Variants in CUX1 observed in about 807,000 individuals in gnomAD.
CUX1 encodes protein CASP.
In CUX1, 31 loss-of-function variants were observed where a neutral mutation model predicts 158.8. The ratio of observed to expected loss-of-function variants is 0.20; its 90% CI spans 0.15 to 0.26. The LOEUF is 0.26. CUX1 is among the 10% of genes least tolerant of loss of function. The pLI is 1.00. For synonymous variants in CUX1, 879 were observed against 862.1 expected (o/e 1.02, Z -0.34); for missense variants, 1,589 against 2,014.6 (o/e 0.79, Z 4.04).
At chr7:101,864,949 A>G (rs752357729) in intron 1 of CUX1, among the ~76,000 whole-genome samples, 45 of 152,346 alleles carry the variant, frequency 3.0e-4, no homozygotes, top group Middle Eastern at 6.8e-3. Context: ...AATTATTTCT[A>G]AAAAAGTAAA....
At position 102,279,766 on chromosome 7, in the gene CUX1, C is replaced by T. The variant is rs184195504; in HGVS notation, c.1681-271C>T. On this transcript the variant is annotated intron_variant, in intron 18 of 22. Transcript: ENST00000292538. ...CAGCAAACCCACCTTCCTGCAGCTG[C>T]GCCCGGCCCTGCCTGGGCCTCAGTT... Among the ~76,000 whole-genome samples, 35 of 152,292 alleles carry T rather than the reference C, an allele frequency of 2.3e-4. No homozygotes were observed. The East Asian group carries it at 6.6e-3, about 29-fold the overall frequency.
intron 8 of CUX1, among the ~76,000 whole-genome samples, chr7:102,156,295 A>G (rs782534115): frequency 1.6e-4 from 24 of 152,122 alleles, no homozygotes; most frequent in Non-Finnish European, 2.9e-4. Flanking sequence ...TGGCTCACAG[A>G]TCTGCAGGCT....
chr7:102,210,734 A>G (rs1253445829), intron 20 of CUX1, among the ~76,000 whole-genome samples: 1 of 152,114 alleles, frequency 6.6e-6, no homozygotes. Flanking sequence ...CAGCCAACAG[A>G]GTATCAGTTG....
intron 2 of CUX1, among the ~76,000 whole-genome samples, chr7:101,984,537 C>T (rs1814027953): frequency 6.6e-6 from 1 of 151,122 alleles, no homozygotes; most frequent in South Asian, 2.1e-4. Flanking sequence ...TGAGAACCTG[C>T]CCTGCACTCT....
chr7:102,168,932 TA>T (rs782766355), intron 9 of CUX1, among the ~76,000 whole-genome samples: 12,879 of 101,466 alleles, frequency 0.13, 1,021 homozygotes, highest in African/African-American at 0.19. Flanking sequence ...TCTTTTCTTT[TA>T]TTTTCTTTTT....
chr7:102,125,579 G>C (rs2131246586), intron 8 of CUX1: 1 of 151,898 alleles, frequency 6.6e-6, no homozygotes, highest in African/African-American at 2.4e-5. Context: ...TCCACCCAGG[G>C]ACCTTGTGAA....
rs1173978551 is a variant in CUX1, at chr7:102,282,838, AC to A, written c.1967+67del. ...AGCGAGCTCCCAGCACCCCCGCAAC[AC>A]CCCCGAGTTCCTGCCTCATGTCCCC... On this transcript the variant is annotated intron_variant, in intron 22 of 22. Transcript: ENST00000292538. 9.3e-6 allele frequency: 9 copies of A among 969,608 alleles called. No individual in the cohort carries two copies. The African/African-American group carries it at 2.0e-4, about 22-fold the overall frequency. 60.1% of individuals were successfully genotyped at this position (969,608 alleles called of 1,614,324 possible).
intron 11 of CUX1, among the ~76,000 whole-genome samples, chr7:102,185,205 G>C (rs2131849016): frequency 1.3e-5 from 2 of 152,328 alleles, no homozygotes; most frequent in South Asian, 4.1e-4. Context: ...TAGCAGGGAT[G>C]TAGTAATTGT....
chr7:101,987,341 G>A (rs1409697367), intron 2 of CUX1, among the ~76,000 whole-genome samples: 3 of 152,150 alleles, frequency 2.0e-5, no homozygotes, highest in South Asian at 2.1e-4. Context: ...CATATGGACC[G>A]CTGCTCACTC....
intron 19 of CUX1, 152 bp from the exon 20 acceptor site, chr7:102,204,962 G>C: frequency 3.2e-6 from 2 of 619,686 alleles, no homozygotes; most frequent in Non-Finnish European, 5.7e-6. Flanking sequence ...GCCTGGCCTT[G>C]CAACAGCAGC....
intron 2 of CUX1, among the ~76,000 whole-genome samples, chr7:101,991,839 A>T (rs1287019823): frequency 6.6e-6 from 1 of 151,912 alleles, no homozygotes. Flanking sequence ...AGGCTGGAGG[A>T]TCACTTGAGT....
downstream of CUX1, among the ~76,000 whole-genome samples, chr7:102,259,733 A>G (rs1253790792): frequency 7.9e-6 from 1 of 126,646 alleles, no homozygotes; most frequent in Non-Finnish European, 1.6e-5. Context: ...AATTAAAATA[A>G]GAAATGTTAA....
At chr7:101,867,161 G>T (rs1323025904) in intron 1 of CUX1, among the ~76,000 whole-genome samples, 1 of 152,174 alleles carries the variant, frequency 6.6e-6, no homozygotes, top group East Asian at 1.9e-4. Context: ...AGGCTGCAGT[G>T]AGCTGAGATT....
intron 16 of CUX1, 43 bp from the exon 17 acceptor site, chr7:102,200,028 C>T (rs369068766): frequency 4.2e-5 from 65 of 1,532,852 alleles, no homozygotes; most frequent in East Asian, 9.2e-5. Flanking sequence ...GATTTTTGTC[C>T]GGGGTTTGGG....
At position 102,249,029 on chromosome 7, in the gene CUX1, A is replaced by T; in HGVS notation, c.4505A>T (p.Glu1502Val). Residue 1502 changes from glutamate to valine, a missense_variant, in exon 24 of 24, where the codon GAA becomes GTA. Physicochemically the swap from Glu to Val is moderately radical, Grantham distance 121. Transcript: ENST00000292535. Reference protein sequence around the residue: ...EKAASREEPIEWEF With the variant: ...EKAASREEPIVWEF ...GCCGCCAGCCGGGAGGAACCTATCG[A>T]ATGGGAGTTCTGAGGGGCCGCGGCC... The T allele has an allele frequency of 7.3e-7, 1 of 1,363,022 alleles. No individual in the cohort carries two copies. The highest frequency in any genetic ancestry group is 1.6e-5 in the South Asian group (1 of 61,372). The allele number at this position is 1,363,022 out of a possible 1,614,324, so 84.4% of individuals were successfully genotyped here. A position where few individuals can be genotyped will look rare whatever the true frequency, so the allele number is the denominator to read the frequency against.
chr7:102,199,832 T>G (rs1795214948), intron 16 of CUX1, among the ~76,000 whole-genome samples: 1 of 152,156 alleles, frequency 6.6e-6, no homozygotes, highest in Non-Finnish European at 1.5e-5. Context: ...AACCCACGGG[T>G]GGTGTCCGGC....
In CUX1 at chr7:102,081,400, G is replaced by A. The variant is rs1309469633; in HGVS notation, c.268+10983G>A. Among the ~76,000 whole-genome samples the A allele has an allele frequency of 2.1e-5, 3 of 146,324 alleles. 1 individual carries two copies. The highest frequency in any genetic ancestry group is 1.5e-5 in the Non-Finnish European group (1 of 64,758). The stretch of plus-strand genomic sequence containing the variant: ...TGTCGAGGGAGGTGATTGGATCATG[G>A]GGGCAGTTTCCCCGTGGCTGTTTTC... On this transcript the variant is annotated intron_variant, in intron 4 of 23. Coordinates refer to ENST00000292535, the MANE Select transcript of CUX1 (RefSeq NM_181552.4).
At chr7:101,932,677 A>G in intron 2 of CUX1, 1 of 440,620 alleles carries the variant, frequency 2.3e-6, no homozygotes, top group Non-Finnish European at 4.6e-6. Context: ...ATTTTCATTT[A>G]TTTTGTTTAT....
rs542920533 is a variant in CUX1 at position 102,060,277 on chromosome 7, C to CA, written c.190-10050dup. Among the ~76,000 whole-genome samples the CA allele has an allele frequency of 8.0e-3, 1,138 of 142,480 alleles. 14 individuals are homozygous for CA. Among genetic ancestry groups the CA allele is most frequent in the African/African-American group, 0.025 (974 of 38,706 alleles). The allele number at this position is 142,480 out of a possible 152,430, so 93.5% of individuals were successfully genotyped here. ...TGGGAGACAGAGCGAGACTCTGTCT[C>CA]AAAAAAAAAAAATGTTGCTTAGGGT... On this transcript the variant is annotated intron_variant, in intron 3 of 23. Transcript: ENST00000292535.
Sources: gnomAD v4.1 joint callset for allele counts (sites outside exome capture counted in the v4.1 genomes callset) on GRCh38, gnomAD v4.1.1 for gene constraint, MANE v1.5 for transcripts, NCBI Gene and HGNC (gene_info 2026-07-23, HGNC 2026-07-21) for gene names.